ASTN2: variants seen among roughly 807,000 people sequenced by gnomAD.
ASTN2 encodes the protein astrotactin 2, also known as astrotactin-2.
In ASTN2, 54 loss-of-function variants were observed where a neutral mutation model predicts 139.8. The ratio of observed to expected loss-of-function variants is 0.39; its 90% CI spans 0.31 to 0.48. The LOEUF is 0.48. Among genes scored for constraint, ASTN2 ranks in the 20% least tolerant of loss-of-function variants. The pLI, the probability that ASTN2 is intolerant of heterozygous loss-of-function variation, is 0.95. For missense variants in ASTN2, 1,565 were observed against 1,725.1 expected (o/e 0.91, Z 1.64); for synonymous variants, 756 against 719.5 (o/e 1.05, Z -0.81).
chr9:116,435,779 C>T (rs994428265), intron 22 of ASTN2, among the ~76,000 whole-genome samples: 1 of 152,196 alleles, frequency 6.6e-6, no homozygotes, highest in Non-Finnish European at 1.5e-5. Context: ...CCTTGTCACT[C>T]CAAGTATGCT....
At chr9:116,719,301 C>G (rs936966502) in intron 16 of ASTN2, among the ~76,000 whole-genome samples, 5 of 152,050 alleles carry the variant, frequency 3.3e-5, no homozygotes, top group African/African-American at 1.2e-4. Context: ...TTCTCAGAAA[C>G]TAAGGTACAA....
Position 117,253,535 on chromosome 9 carries a change from A to C in ASTN2, c.630+37791T>G, listed in dbSNP as rs547219009. 2.9e-3 allele frequency among the ~76,000 whole-genome samples: 441 copies of C among 152,284 alleles called. 5 individuals carry two copies. Among genetic ancestry groups the C allele is most frequent in the African/African-American group, 9.9e-3 (412 of 41,556 alleles). ...CTGGACATTGTGACAAAAGCAAGGG[A>C]GGGACATCCATTTAGTGAGGACTTT... On this transcript the variant is annotated intron_variant, in intron 2 of 22. Transcript: ENST00000313400.
chr9:117,222,433 C>T (rs141006802), intron 2 of ASTN2, among the ~76,000 whole-genome samples: 24 of 152,136 alleles, frequency 1.6e-4, no homozygotes, highest in South Asian at 1.0e-3. Flanking sequence ...TGAAAGGAGA[C>T]TTGTCAGAGT....
At chr9:116,732,985 G>A (rs1035094466) in intron 14 of ASTN2, among the ~76,000 whole-genome samples, 1 of 152,136 alleles carries the variant, frequency 6.6e-6, no homozygotes, top group Non-Finnish European at 1.5e-5. Context: ...AAGTAGGAGG[G>A]GCTCCTGATT....
intron 1 of ASTN2, among the ~76,000 whole-genome samples, chr9:117,346,932 A>C (rs1309985513): frequency 1.3e-5 from 2 of 152,284 alleles, no homozygotes; most frequent in African/African-American, 4.8e-5. Context: ...AATAAGATTA[A>C]TGCTTGACAC....
chr9:117,113,933 A>C (rs973874052), intron 4 of ASTN2, among the ~76,000 whole-genome samples: 1 of 152,230 alleles, frequency 6.6e-6, no homozygotes, highest in African/African-American at 2.4e-5. Context: ...ACTGGTGTAT[A>C]CATCTTTCAA....
At chr9:117,218,793 C>T (rs1385773653) in intron 2 of ASTN2, among the ~76,000 whole-genome samples, 1 of 152,152 alleles carries the variant, frequency 6.6e-6, no homozygotes, top group Non-Finnish European at 1.5e-5. Context: ...GTCAGAAACA[C>T]AAGGTTGAAA....
chr9:117,249,202 G>A (rs1247271217), intron 2 of ASTN2, among the ~76,000 whole-genome samples: 1 of 152,092 alleles, frequency 6.6e-6, no homozygotes, highest in Non-Finnish European at 1.5e-5. Flanking sequence ...GAAGAAGAAA[G>A]AAAAACAAGG....
At chr9:116,594,888 C>T (rs1854503446) in intron 19 of ASTN2, among the ~76,000 whole-genome samples, 1 of 152,088 alleles carries the variant, frequency 6.6e-6, no homozygotes. Context: ...AAGCACATCC[C>T]CCTCAAGTTT....
chr9:117,358,492 T>C (rs1022016182), intron 1 of ASTN2, among the ~76,000 whole-genome samples: 1 of 152,112 alleles, frequency 6.6e-6, no homozygotes, highest in Non-Finnish European at 1.5e-5. Context: ...CCCATTTCCT[T>C]CCCAATCATT....
intron 20 of ASTN2, 95 bp from the exon 21 acceptor site, chr9:116,442,648 T>C (rs1847873923): frequency 1.0e-6 from 1 of 957,470 alleles, no homozygotes; most frequent in African/African-American, 1.6e-5. Context: ...CACATGAGGC[T>C]ACAGGAAAAA....
In ASTN2 at chr9:117,003,003, C is replaced by T. The variant is rs147182721; in HGVS notation, c.1591+5089G>A. Among the ~76,000 whole-genome samples the T allele has an allele frequency of 6.6e-5, 10 of 151,948 alleles. No individual in the cohort carries two copies. The East Asian group carries it at 1.6e-3, about 24-fold the overall frequency. The stretch of plus-strand genomic sequence containing the variant: ...TGTAGGAAATAAAAAGAAGCCCTTG[C>T]TCTCCCATTAAAAGGAAAAAGACAT... On this transcript the variant is annotated intron_variant, in intron 7 of 22. Coordinates refer to ENST00000313400, the MANE Select transcript of ASTN2 (RefSeq NM_001365068.1).
chr9:116,803,515 TATATATA>T (rs1395047858), intron 13 of ASTN2, among the ~76,000 whole-genome samples: 88 of 8,914 alleles, frequency 9.9e-3, no homozygotes, highest in African/African-American at 0.029. Flanking sequence ...TATATATATA[TATATATA>T]TTTTTTTTTT....
At chr9:116,973,240 T>C (rs1836259572) in intron 10 of ASTN2, among the ~76,000 whole-genome samples, 1 of 152,236 alleles carries the variant, frequency 6.6e-6, no homozygotes, top group South Asian at 2.1e-4. Context: ...ATGGAGCTGA[T>C]GTAAGAATGT....
At chr9:117,286,566 A>T (rs1364872944) in intron 2 of ASTN2, among the ~76,000 whole-genome samples, 2 of 152,160 alleles carry the variant, frequency 1.3e-5, no homozygotes, top group Non-Finnish European at 2.9e-5. Context: ...GCATATGTAG[A>T]TCACAAACTT....
intron 13 of ASTN2, among the ~76,000 whole-genome samples, chr9:116,794,210 G>C (rs1416851772): frequency 6.8e-6 from 1 of 147,662 alleles, no homozygotes; most frequent in Non-Finnish European, 1.5e-5. Flanking sequence ...TGATTCTCCT[G>C]CCTCAGCCTT....
At chr9:117,396,890 T>C (rs932313973) in intron 1 of ASTN2, among the ~76,000 whole-genome samples, 1 of 149,688 alleles carries the variant, frequency 6.7e-6, no homozygotes, top group Non-Finnish European at 1.5e-5. Flanking sequence ...GATACAGGCA[T>C]GCAATGTGAA....
intron 7 of ASTN2, among the ~76,000 whole-genome samples, chr9:116,978,088 C>T (rs995513191): frequency 1.3e-5 from 2 of 152,120 alleles, no homozygotes; most frequent in African/African-American, 2.4e-5. Context: ...CTTAAAGATG[C>T]TGTACCAAAA....
At chr9:116,978,908 A>G (rs1836432875) in intron 7 of ASTN2, among the ~76,000 whole-genome samples, 1 of 152,216 alleles carries the variant, frequency 6.6e-6, no homozygotes, top group Admixed American at 6.5e-5. Flanking sequence ...GATTTTCTCA[A>G]CTTTATACAA....
Sources: allele counts gnomAD v4.1 joint callset (sites outside exome capture counted in the v4.1 genomes callset), GRCh38; gene constraint gnomAD v4.1.1; transcripts MANE v1.5; gene names NCBI Gene and HGNC (gene_info 2026-07-23, HGNC 2026-07-21).